The following ZW10 variants were observed in gnomAD, a reference collection of about 807,000 sequenced individuals.
The protein encoded by ZW10 is zw10 kinetochore protein, also known as centromere/kinetochore protein zw10 homolog.
A neutral mutation model predicts 87.8 loss-of-function variants in ZW10; 53 were observed. The observed-to-expected ratio is 0.60, with a 90% CI of 0.48 to 0.76. ZW10 has a LOEUF of 0.76. Among genes scored for constraint, ZW10 ranks in the 30% least tolerant of loss-of-function variants. ZW10 has a pLI of 0.00. For missense variants in ZW10, 837 were observed against 923.0 expected, an observed-to-expected ratio of 0.91 and a Z score of 1.21; for synonymous variants, 312 against 329.2, an observed-to-expected ratio of 0.95 and a Z score of 0.57.
Position 113,760,247 on chromosome 11 carries a change from C to A in ZW10, c.542G>T (p.Trp181Leu). 1 of 1,614,062 alleles carries A rather than the reference C, an allele frequency of 6.2e-7. No homozygotes were observed. Among genetic ancestry groups the A allele is most frequent in the Non-Finnish European group, 8.5e-7 (1 of 1,179,980 alleles). ...QNILYHLGEEWQKLIVWKFPP... is the reference protein window; with the variant it reads ...QNILYHLGEELQKLIVWKFPP... The stretch of plus-strand genomic sequence containing the variant: ...GAACTTCCATACAATCAGCTTCTGC[C>A]ACTCTTCTCCAAGGTGATAAAGTAT... Residue 181 changes from tryptophan to leucine, a missense_variant, in exon 5 of 16, where the codon TGG becomes TTG. Coordinates refer to ENST00000200135, the MANE Select transcript of ZW10 (RefSeq NM_004724.4).
intron 2 of ZW10, among the ~76,000 whole-genome samples, chr11:113,768,376 C>A (rs1250757019): frequency 1.3e-5 from 2 of 152,174 alleles, no homozygotes; most frequent in African/African-American, 4.8e-5. Context: ...ATTTCAACAG[C>A]CAGGGTGTGG....
intron 7 of ZW10, among the ~76,000 whole-genome samples, chr11:113,752,718 C>T (rs1953746159): frequency 6.6e-6 from 1 of 152,216 alleles, no homozygotes; most frequent in Admixed American, 6.5e-5. Flanking sequence ...CCCTCATACC[C>T]CGACCCTTTC....
chr11:113,743,491 T>C (rs556537667), intron 10 of ZW10, among the ~76,000 whole-genome samples: 3 of 152,318 alleles, frequency 2.0e-5, no homozygotes, highest in South Asian at 2.1e-4. Flanking sequence ...TCAACAACAA[T>C]TGAAGAACTT....
intron 9 of ZW10, among the ~76,000 whole-genome samples, chr11:113,744,326 G>C (rs1263387703): frequency 6.6e-6 from 1 of 152,080 alleles, no homozygotes; most frequent in Admixed American, 6.6e-5. Context: ...GGCGGAGCTT[G>C]CAGTGAGCGG....
chr11:113,741,054 G>T (rs955503555), intron 11 of ZW10, among the ~76,000 whole-genome samples: 11 of 150,996 alleles, frequency 7.3e-5, no homozygotes, highest in Admixed American at 5.9e-4. Context: ...AACAACAGGT[G>T]AGCCTAGTTA....
At chr11:113,752,939 T>C (rs1030184874) in intron 7 of ZW10, among the ~76,000 whole-genome samples, 1 of 152,248 alleles carries the variant, frequency 6.6e-6, no homozygotes, top group Non-Finnish European at 1.5e-5. Context: ...TTGCACCAGT[T>C]AGCCAAGTTT....
chr11:113,748,684 T>C (rs1953706149), intron 7 of ZW10, among the ~76,000 whole-genome samples: 1 of 152,194 alleles, frequency 6.6e-6, no homozygotes, highest in Non-Finnish European at 1.5e-5. Context: ...TATAATCATC[T>C]AGTGCTAGCT....
chr11:113,761,049 GAATA>G, intron 2 of ZW10, 131 bp from the exon 3 acceptor site: 1 of 699,650 alleles, frequency 1.4e-6, no homozygotes, highest in East Asian at 2.8e-5. Context: ...GTTAAGACTG[GAATA>G]AAAATCACAG....
chr11:113,744,425 C>A (rs1363512327), intron 9 of ZW10, among the ~76,000 whole-genome samples: 1 of 152,054 alleles, frequency 6.6e-6, no homozygotes, highest in Non-Finnish European at 1.5e-5. Context: ...TATAAGCACA[C>A]GGTGAAGAAT....
chr11:113,748,484 G>A (rs1953703908), intron 7 of ZW10, 64 bp from the exon 8 acceptor site: 2 of 1,393,118 alleles, frequency 1.4e-6, no homozygotes, highest in Admixed American at 5.1e-5. Flanking sequence ...ATATTCTTAG[G>A]TTTTCTAGAA....
Position 113,733,653 on chromosome 11 carries a change from A to T in ZW10, c.*41T>A. 1 of 1,612,852 alleles carries T rather than the reference A, an allele frequency of 6.2e-7. No individual in the cohort carries two copies. Among genetic ancestry groups the T allele is most frequent in the Non-Finnish European group, 8.5e-7 (1 of 1,179,904 alleles). Reference sequence around the variant, plus strand: ...AAGGGAGTAATTATGCCAAGGGAAGAATCCACATATTCAAGACATAGCTTT... The same window carrying T: ...AAGGGAGTAATTATGCCAAGGGAAGTATCCACATATTCAAGACATAGCTTT... On this transcript the variant is annotated 3_prime_UTR_variant, in exon 16 of 16. Transcript: ENST00000200135.
chr11:113,763,761 C>T (rs1462325617), intron 2 of ZW10, among the ~76,000 whole-genome samples: 1 of 152,094 alleles, frequency 6.6e-6, no homozygotes, highest in Non-Finnish European at 1.5e-5. Context: ...GGATATTAGA[C>T]CTTTGTCACA....
chr11:113,760,622 C>T (rs972392442), intron 3 of ZW10, 32 bp from the exon 4 acceptor site: 2 of 1,522,146 alleles, frequency 1.3e-6, no homozygotes, highest in Non-Finnish European at 1.8e-6. Flanking sequence ...TTTATACATC[C>T]TATTATTTCA....
chr11:113,743,691 C>A lies in ZW10; in HGVS notation c.1511+111G>T, dbSNP rs1953648412. ...GTTTTGTTTCCAGAAAAAGCATTAACTTCTAGGATATGAAAACCCAAAGAA... is the reference window on the plus strand; with the variant it reads ...GTTTTGTTTCCAGAAAAAGCATTAAATTCTAGGATATGAAAACCCAAAGAA... On this transcript the variant is annotated intron_variant, in intron 10 of 15. Coordinates refer to ENST00000200135, the MANE Select transcript of ZW10 (RefSeq NM_004724.4). The A allele has an allele frequency of 2.2e-5, 19 of 864,304 alleles. No individual in the cohort carries two copies. In the South Asian group the frequency reaches 2.6e-4, roughly 12 times the overall value. 53.5% of individuals were successfully genotyped at this position (864,304 alleles called of 1,614,324 possible).
intron 2 of ZW10, among the ~76,000 whole-genome samples, 189 bp from the exon 3 acceptor site, chr11:113,761,107 C>T (rs1443001819): frequency 6.6e-6 from 1 of 152,090 alleles, no homozygotes; most frequent in Non-Finnish European, 1.5e-5. Flanking sequence ...AGTCCAAACC[C>T]TTATCCTATT....
At chr11:113,772,581 G>A (rs777919167) in intron 1 of ZW10, among the ~76,000 whole-genome samples, 7 of 152,246 alleles carry the variant, frequency 4.6e-5, no homozygotes, top group Middle Eastern at 3.4e-3. Context: ...GTGTGGCTAC[G>A]TGCTTCCAGT....
intron 2 of ZW10, among the ~76,000 whole-genome samples, chr11:113,766,323 C>A (rs1953906573): frequency 1.3e-5 from 2 of 151,864 alleles, no homozygotes; most frequent in Admixed American, 1.3e-4. Flanking sequence ...CTTGACTGTG[C>A]CACCCCACTC....
At chr11:113,773,451 C>T (rs1565290812) in intron 1 of ZW10, 111 bp downstream of exon 1, 1 of 863,710 alleles carries the variant, frequency 1.2e-6, no homozygotes, top group Admixed American at 2.3e-5. Flanking sequence ...ACAGGCCCCA[C>T]TCTGCTGGTC....
Position 113,773,542 on chromosome 11 carries a change from G to A in ZW10, c.105+20C>T, listed in dbSNP as rs749793942. ...ACCCGGAGTCCCCTTCCAGTCAGCA[G>A]ACAGCTGCCCCGCTCTCACCTTGAT... On this transcript the variant is annotated intron_variant, in intron 1 of 15. Transcript: ENST00000200135. 3.1e-6 allele frequency: 5 copies of A among 1,607,168 alleles called. No homozygotes were observed. Among genetic ancestry groups the A allele is most frequent in the Middle Eastern group, 1.7e-4 (1 of 6,038 alleles).
Sources: gnomAD v4.1 joint callset for allele counts (sites outside exome capture counted in the v4.1 genomes callset) on GRCh38, gnomAD v4.1.1 for gene constraint, MANE v1.5 for transcripts, NCBI Gene and HGNC (gene_info 2026-07-23, HGNC 2026-07-21) for gene names.